The following ASB14 variants were observed in gnomAD, a reference collection of about 807,000 sequenced individuals.
ASB14 encodes the protein ankyrin repeat and SOCS box protein 14.
In ASB14, 63 loss-of-function variants were observed where a neutral mutation model predicts 55.6. The observed-to-expected ratio is 1.13, with a 90% CI of 0.92 to 1.40. The LOEUF is 1.40. Ranked by LOEUF, ASB14 falls within the 40% of genes most tolerant of loss-of-function variation. The pLI is 0.00. For missense variants in ASB14, 724 were observed against 710.4 expected, an observed-to-expected ratio of 1.02 and a Z score of -0.22; for synonymous variants, 256 against 259.9, an observed-to-expected ratio of 0.98 and a Z score of 0.15.
At position 57,279,086 on chromosome 3, in the gene ASB14, C is replaced by G; in HGVS notation, c.888-166G>C. The G allele has an allele frequency of 4.6e-6, 3 of 649,400 alleles. No individual in the cohort carries two copies. In the South Asian group the frequency reaches 6.3e-5, roughly 14 times the overall value. 40.2% of individuals were successfully genotyped at this position (649,400 alleles called of 1,614,324 possible). A position where few individuals can be genotyped will look rare whatever the true frequency, so the allele number is the denominator to read the frequency against. ...TTCCTTCATCCAGAAGCTCAGATAC[C>G]AAGTAAAATTGAATGGAATTACCGT... On this transcript the variant is annotated intron_variant, in intron 7 of 10. Transcript: ENST00000487349.
At chr3:57,289,687 C>CTTTTTTTTTT (rs34419265) in intron 2 of ASB14, among the ~76,000 whole-genome samples, 21 of 100,338 alleles carry the variant, frequency 2.1e-4, no homozygotes, top group East Asian at 1.1e-3. Context: ...ACCTTCCATT[C>CTTTTTTTTTT]TTTTTTTTTT....
At chr3:57,272,289 G>C (rs1473488643) in intron 10 of ASB14, 1 of 152,120 alleles carries the variant, frequency 6.6e-6, no homozygotes, top group East Asian at 1.9e-4. Context: ...GCCAACCAGG[G>C]ATTAAAGCTA....
chr3:57,277,154 C>T (rs2060995986), intron 9 of ASB14, among the ~76,000 whole-genome samples: 2 of 151,762 alleles, frequency 1.3e-5, no homozygotes, highest in Non-Finnish European at 1.5e-5. Context: ...GTAATCTCAG[C>T]TACTCGTGAG....
chr3:57,288,839 C>T (rs7614600), intron 3 of ASB14: 13,099 of 360,262 alleles, frequency 0.036, 1,578 homozygotes, highest in African/African-American at 0.25. Context: ...CCCACCCTCC[C>T]GAGTAGCTGG....
rs766196189 is a variant in ASB14 at position 57,278,733 on chromosome 3, C to T, written c.1075G>A (p.Ala359Thr). 6.2e-7 allele frequency: 1 copy of T among 1,613,858 alleles called. No individual in the cohort carries two copies. The highest frequency in any genetic ancestry group is 2.2e-5 in the East Asian group (1 of 44,836). The change falls in exon 8 of 11, where the codon GCT (alanine) becomes ACT (threonine). Residue 359 changes from alanine to threonine, a missense_variant. Physicochemically the swap from Ala to Thr is moderately conservative, Grantham distance 58 (BLOSUM62 0). Transcript: ENST00000487349. ...NKHYDDHRKS[A>T]LYFAVSNSDL... ...CTGTTTGATACAGCAAAATACAAAGCTGACTTCCTGTGGTCATCGTAGTGT... is the reference window on the plus strand; with the variant it reads ...CTGTTTGATACAGCAAAATACAAAGTTGACTTCCTGTGGTCATCGTAGTGT...
chr3:57,288,132 A>G (rs1158133210), intron 4 of ASB14, 23 bp downstream of exon 4: 5 of 1,536,410 alleles, frequency 3.3e-6, no homozygotes. Flanking sequence ...CAGAAGCATC[A>G]AGAAGAATCA....
Position 57,278,825 on chromosome 3 carries a change from T to A in ASB14, c.983A>T (p.Gln328Leu). 6.2e-7 allele frequency: 1 copy of A among 1,613,606 alleles called. No individual in the cohort carries two copies. The highest frequency in any genetic ancestry group is 1.1e-5 in the South Asian group (1 of 90,970). The change falls in exon 8 of 11, where the codon CAG (glutamine) becomes CTG (leucine). Residue 328 changes from glutamine (Q) to leucine (L), a missense_variant. Physicochemically the swap from Gln to Leu is moderately radical, Grantham distance 113. Coordinates refer to ENST00000487349, the MANE Select transcript of ASB14 (RefSeq NM_001142733.3). The stretch of plus-strand genomic sequence containing the variant: ...AGCCTGGATGAGGAGTTCCAGGCAC[T>A]GAGGATGTGCTCCTGCTGCTGCACA... ...VHCAAAGAHP[Q>L]CLELLIQAGF...
intron 10 of ASB14, chr3:57,271,442 C>G (rs1196690711): frequency 6.6e-6 from 1 of 152,438 alleles, no homozygotes; most frequent in African/African-American, 2.4e-5. Flanking sequence ...TGTATCAGTT[C>G]TTTTGTTTTG....
chr3:57,269,782 G>A, intron 10 of ASB14, 164 bp from the exon 11 acceptor site: 1 of 1,354,938 alleles, frequency 7.4e-7, no homozygotes, highest in Non-Finnish European at 1.0e-6. Context: ...TCAAGGAGGA[G>A]ATTAAGCTTT....
In ASB14 at chr3:57,280,846, C is replaced by A. The variant is rs1188624612; in HGVS notation, c.716-373G>T. Among the ~76,000 whole-genome samples the A allele has an allele frequency of 2.6e-5, 4 of 152,298 alleles. No individual in the cohort carries two copies. The South Asian group carries it at 8.3e-4, about 32-fold the overall frequency. ...GGATGGTACTAACAAATCTATCAAACTATAATACCATGCCATCTAATGATA... is the reference window on the plus strand; with the variant it reads ...GGATGGTACTAACAAATCTATCAAAATATAATACCATGCCATCTAATGATA... On this transcript the variant is annotated intron_variant, in intron 6 of 10. Coordinates refer to ENST00000487349, the MANE Select transcript of ASB14 (RefSeq NM_001142733.3).
At chr3:57,270,418 A>C (rs573144856) in intron 10 of ASB14, 4 of 152,784 alleles carry the variant, frequency 2.6e-5, no homozygotes, top group African/African-American at 7.2e-5. Flanking sequence ...ACTGCTGCAG[A>C]GCAGTAGTGG....
chr3:57,286,630 A>G (rs985690316), intron 5 of ASB14, among the ~76,000 whole-genome samples: 2 of 152,210 alleles, frequency 1.3e-5, no homozygotes, highest in Non-Finnish European at 2.9e-5. Context: ...TCTGCTAATA[A>G]CCATTTATAA....
At chr3:57,288,441 A>G (rs2061099033) in intron 3 of ASB14, among the ~76,000 whole-genome samples, 155 bp from the exon 4 acceptor site, 1 of 152,210 alleles carries the variant, frequency 6.6e-6, no homozygotes, top group South Asian at 2.1e-4. Context: ...ACAGACAGTA[A>G]GGCCGGTCAT....
At chr3:57,275,896 A>G (rs1263844023) in intron 10 of ASB14, among the ~76,000 whole-genome samples, 1 of 152,250 alleles carries the variant, frequency 6.6e-6, no homozygotes, top group Non-Finnish European at 1.5e-5. Flanking sequence ...TATAATCTTT[A>G]TGGGACCACC....
In ASB14 at chr3:57,268,546, T is replaced by C; in HGVS notation, c.*1095A>G. 6.7e-7 allele frequency: 1 copy of C among 1,483,266 alleles called. No homozygotes were observed. Among genetic ancestry groups the C allele is most frequent in the Non-Finnish European group, 9.0e-7 (1 of 1,116,890 alleles). The allele number at this position is 1,483,266 out of a possible 1,614,324, so 91.9% of individuals were successfully genotyped here. A position where few individuals can be genotyped will look rare whatever the true frequency, so the allele number is the denominator to read the frequency against. ...TGTTTGTGAAGACTTAATTCAGCAC[T>C]ATGACTTTCAGATTTGAATTTCCAA... On this transcript the variant is annotated 3_prime_UTR_variant, in exon 11 of 11. Coordinates refer to ENST00000487349, the MANE Select transcript of ASB14 (RefSeq NM_001142733.3).
chr3:57,280,574 G>A lies in ASB14; in HGVS notation c.716-101C>T, dbSNP rs942048075. On this transcript the variant is annotated intron_variant, in intron 6 of 10. Transcript: ENST00000487349. The stretch of plus-strand genomic sequence containing the variant: ...CCCATCACCAAAAAGCAATTAGTGA[G>A]CACGCACTCTAGCAAAGCACCAAGA... 7 of 976,344 alleles carry A rather than the reference G, an allele frequency of 7.2e-6. No individual in the cohort carries two copies. The African/African-American group carries it at 8.1e-5, about 11-fold the overall frequency. The allele number at this position is 976,344 out of a possible 1,614,324, so 60.5% of individuals were successfully genotyped here. A position where few individuals can be genotyped will look rare whatever the true frequency, so the allele number is the denominator to read the frequency against.
Position 57,269,107 on chromosome 3 carries a change from C to T in ASB14, c.*534G>A. 1 of 158,676 alleles carries T rather than the reference C, an allele frequency of 6.3e-6. No individual in the cohort carries two copies. The highest frequency in any genetic ancestry group is 1.9e-4 in the South Asian group (1 of 5,236). 9.8% of individuals were successfully genotyped at this position (158,676 alleles called of 1,614,324 possible). A position where few individuals can be genotyped will look rare whatever the true frequency, so the allele number is the denominator to read the frequency against. On this transcript the variant is annotated 3_prime_UTR_variant, in exon 11 of 11. Transcript: ENST00000487349. ...AAGAAGAGGGAAGTGGCAAAGATGA[C>T]ATTGAAGTGAGGCTTTCTTGATAGG...
Position 57,280,287 on chromosome 3 carries a change from G to A in ASB14, c.887+15C>T, listed in dbSNP as rs1316616258. 2 of 1,497,774 alleles carry A rather than the reference G, an allele frequency of 1.3e-6. No individual in the cohort carries two copies. Among genetic ancestry groups the A allele is most frequent in the Non-Finnish European group, 1.8e-6 (2 of 1,111,354 alleles). 92.8% of individuals were successfully genotyped at this position (1,497,774 alleles called of 1,614,324 possible). On this transcript the variant is annotated intron_variant, in intron 7 of 10. Coordinates refer to ENST00000487349, the MANE Select transcript of ASB14 (RefSeq NM_001142733.3). ...TACTGTTTTTATTATTTATAATAAT[G>A]TAATTGAACTTAACAGTAAGTGGCC...
intron 10 of ASB14, chr3:57,270,592 A>T (rs2060930396): frequency 6.5e-6 from 1 of 152,678 alleles, no homozygotes; most frequent in Non-Finnish European, 1.5e-5. Context: ...AAGTTCTATA[A>T]CAATTATGTT....
Sources: allele counts gnomAD v4.1 joint callset (sites outside exome capture counted in the v4.1 genomes callset), GRCh38; gene constraint gnomAD v4.1.1; transcripts MANE v1.5; gene names NCBI Gene and HGNC (gene_info 2026-07-23, HGNC 2026-07-21).